The following ATP2B2 variants were observed in gnomAD, a reference collection of about 807,000 sequenced individuals.
ATP2B2 encodes the protein ATPase plasma membrane Ca2+ transporting 2.
ATP2B2 carries 15 observed loss-of-function variants against 120.0 expected under a neutral mutation model. The observed-to-expected ratio is 0.12, with a 90% CI of 0.08 to 0.19. The LOEUF (loss-of-function observed/expected upper bound fraction) is 0.19. Among genes scored for constraint, ATP2B2 ranks in the 10% least tolerant of loss-of-function variants. The pLI, the probability that ATP2B2 is intolerant of heterozygous loss-of-function variation, is 1.00. For synonymous variants in ATP2B2, 694 were observed against 700.3 expected (o/e 0.99, Z 0.14); for missense variants, 1,045 against 1,719.8 (o/e 0.61, Z 6.94).
chr3:10,504,725 G>A (rs2066544390), intron 1 of ATP2B2, among the ~76,000 whole-genome samples: 1 of 152,154 alleles, frequency 6.6e-6, no homozygotes, highest in Non-Finnish European at 1.5e-5. Context: ...GGGCAGGGAG[G>A]AGCCTCAGGT....
chr3:10,338,694 C>T (rs2060196201), intron 21 of ATP2B2: 1 of 358,256 alleles, frequency 2.8e-6, no homozygotes, highest in Admixed American at 4.3e-5. Context: ...CAACCCTGGT[C>T]CTGTGGCCTC....
intron 8 of ATP2B2, among the ~76,000 whole-genome samples, chr3:10,382,794 A>G (rs2061568890): frequency 6.6e-6 from 1 of 151,940 alleles, no homozygotes. Context: ...GACCACACCC[A>G]TTTTTCAGTT....
chr3:10,489,591 C>T (rs958943112), intron 1 of ATP2B2, among the ~76,000 whole-genome samples: 1 of 152,152 alleles, frequency 6.6e-6, no homozygotes, highest in Non-Finnish European at 1.5e-5. Context: ...ATCTCTGTCC[C>T]TTTCTGAATG....
intron 2 of ATP2B2, among the ~76,000 whole-genome samples, chr3:10,571,310 G>C (rs1443190283): frequency 6.6e-6 from 1 of 152,242 alleles, no homozygotes; most frequent in Non-Finnish European, 1.5e-5. Context: ...GGTGGTGCCA[G>C]GAACAGAGCC....
chr3:10,396,996 AG>A, intron 5 of ATP2B2, among the ~76,000 whole-genome samples: 1 of 152,322 alleles, frequency 6.6e-6, no homozygotes, highest in East Asian at 1.9e-4. Context: ...GCACTGTGCT[AG>A]GGGATCCACT....
At chr3:10,610,910 G>A (rs2069218621) in intron 2 of ATP2B2, among the ~76,000 whole-genome samples, 1 of 152,188 alleles carries the variant, frequency 6.6e-6, no homozygotes, top group Non-Finnish European at 1.5e-5. Flanking sequence ...GCAGAGGCTG[G>A]AGAGCTTCAC....
intron 2 of ATP2B2, among the ~76,000 whole-genome samples, chr3:10,421,184 T>G (rs2062967768): frequency 6.6e-6 from 1 of 152,160 alleles, no homozygotes; most frequent in Admixed American, 6.5e-5. Context: ...GCCTAATACT[T>G]GCCAGGTGCT....
chr3:10,584,909 A>G (rs866261152), intron 2 of ATP2B2, among the ~76,000 whole-genome samples: 9 of 152,326 alleles, frequency 5.9e-5, no homozygotes, highest in African/African-American at 2.2e-4. Context: ...TTGTTGAGAC[A>G]AAATCCAGGA....
chr3:10,377,666 T>C (rs1251393139), intron 10 of ATP2B2, among the ~76,000 whole-genome samples: 3 of 152,232 alleles, frequency 2.0e-5, no homozygotes, highest in Non-Finnish European at 4.4e-5. Flanking sequence ...CCCTGGGCTC[T>C]TGGCAATGTC....
At chr3:10,615,239 T>C (rs1179956196) in intron 2 of ATP2B2, among the ~76,000 whole-genome samples, 1 of 152,180 alleles carries the variant, frequency 6.6e-6, no homozygotes, top group Non-Finnish European at 1.5e-5. Flanking sequence ...AGGACCTGTC[T>C]GGCTGCTGCC....
chr3:10,644,122 A>G (rs913141782), intron 1 of ATP2B2, among the ~76,000 whole-genome samples: 2 of 152,226 alleles, frequency 1.3e-5, no homozygotes, highest in Admixed American at 6.5e-5. Context: ...AAGGGCTTGA[A>G]CAGACATTTC....
chr3:10,411,615 C>A (rs534028400), intron 2 of ATP2B2, among the ~76,000 whole-genome samples: 15 of 152,316 alleles, frequency 9.8e-5, no homozygotes, highest in African/African-American at 1.9e-4. Flanking sequence ...TTGTACTTAA[C>A]CCATGGGTGG....
chr3:10,453,004 A>G (rs1314973377), intron 1 of ATP2B2, among the ~76,000 whole-genome samples: 1 of 152,214 alleles, frequency 6.6e-6, no homozygotes, highest in East Asian at 1.9e-4. Flanking sequence ...TTCAGCATCT[A>G]TAATTTGGGG....
intron 5 of ATP2B2, among the ~76,000 whole-genome samples, chr3:10,393,982 G>A (rs1356342433): frequency 1.3e-5 from 2 of 152,198 alleles, no homozygotes; most frequent in African/African-American, 4.8e-5. Flanking sequence ...GCCATAGGTA[G>A]CAGAACTGGG....
chr3:10,582,832 C>T (rs1046329726), intron 2 of ATP2B2, among the ~76,000 whole-genome samples: 1 of 152,230 alleles, frequency 6.6e-6, no homozygotes. Flanking sequence ...ACACAAGACA[C>T]CAAGGGCAGC....
rs377447430 is a variant in ATP2B2, at chr3:10,342,315, G to A, written c.2917+437C>T. Among the ~76,000 whole-genome samples the A allele has an allele frequency of 2.2e-4, 33 of 152,038 alleles. No homozygotes were observed. Among genetic ancestry groups the A allele is most frequent in the African/African-American group, 5.1e-4 (21 of 41,392 alleles). Reference sequence around the variant, plus strand: ...CCCAAGTGGAAGCATTGTGAGAGTCGGTGGTGGTGTGAGCGTGTATGCCCT... The same window carrying A: ...CCCAAGTGGAAGCATTGTGAGAGTCAGTGGTGGTGTGAGCGTGTATGCCCT... On this transcript the variant is annotated intron_variant, in intron 19 of 22. Coordinates refer to ENST00000360273, the MANE Select transcript of ATP2B2 (RefSeq NM_001001331.4). The surrounding 1 kb of genome is among the most constrained non-coding windows in gnomAD (Gnocchi z 4.4).
At chr3:10,684,472 C>T (rs1374970199) in intron 1 of ATP2B2, among the ~76,000 whole-genome samples, 4 of 152,196 alleles carry the variant, frequency 2.6e-5, no homozygotes, top group Non-Finnish European at 5.9e-5. Flanking sequence ...GTTTGTGCTG[C>T]GATCTGGTCA....
At chr3:10,491,382 T>C (rs1162796992) in intron 1 of ATP2B2, among the ~76,000 whole-genome samples, 1 of 152,114 alleles carries the variant, frequency 6.6e-6, no homozygotes, top group Admixed American at 6.5e-5. Context: ...CATACCACCA[T>C]GCCCGGCTAA....
intron 2 of ATP2B2, among the ~76,000 whole-genome samples, chr3:10,436,045 G>C (rs892519698): frequency 1.3e-5 from 2 of 152,090 alleles, no homozygotes; most frequent in African/African-American, 4.8e-5. Context: ...CTAAGCGTGG[G>C]CATGTGATCA....
Sources: allele counts gnomAD v4.1 joint callset (sites outside exome capture counted in the v4.1 genomes callset), GRCh38; gene constraint gnomAD v4.1.1; non-coding constraint Gnocchi (gnomAD v3.1); transcripts MANE v1.5; gene names NCBI Gene and HGNC (gene_info 2026-07-23, HGNC 2026-07-21).